Variants in EYS observed in about 807,000 individuals in gnomAD.
EYS encodes EGF-like photoreceptor maintenance factor.
EYS carries 250 observed loss-of-function variants against 282.1 expected under a neutral mutation model. That is an observed-to-expected ratio of 0.89 (90% CI 0.80 to 0.98). The LOEUF (loss-of-function observed/expected upper bound fraction) is 0.98, where lower values mean the gene tolerates loss of function less well. Among genes scored for constraint, EYS ranks in the 50% least tolerant of loss-of-function variants. The pLI, the probability that EYS is intolerant of heterozygous loss-of-function variation, is 0.00. For missense variants in EYS, 4,016 were observed against 3,709.0 expected (o/e 1.08, Z -2.15); for synonymous variants, 1,355 against 1,282.9 (o/e 1.06, Z -1.20).
At chr6:64,481,263 G>T (rs971067501) in intron 26 of EYS, among the ~76,000 whole-genome samples, 1 of 126,824 alleles carries the variant, frequency 7.9e-6, no homozygotes, top group Non-Finnish European at 1.6e-5. Flanking sequence ...TTATGTGTAT[G>T]GTGTGTGTGT....
At chr6:64,476,249 AT>A (rs772978104) in intron 26 of EYS, among the ~76,000 whole-genome samples, 2 of 152,164 alleles carry the variant, frequency 1.3e-5, no homozygotes, top group Non-Finnish European at 1.5e-5. Flanking sequence ...GTAGTTAACT[AT>A]TCGCATGTCT....
intron 31 of EYS, among the ~76,000 whole-genome samples, chr6:64,091,072 G>C (rs1187055329): frequency 6.6e-6 from 1 of 152,038 alleles, no homozygotes; most frequent in African/African-American, 2.4e-5. Flanking sequence ...ATTACCCCAT[G>C]TGATAGCCAC....
At chr6:63,966,236 C>T (rs762393279) in intron 35 of EYS, among the ~76,000 whole-genome samples, 4 of 152,098 alleles carry the variant, frequency 2.6e-5, no homozygotes, top group Non-Finnish European at 5.9e-5. Context: ...AGATTGGAGA[C>T]TATTATTCTA....
At chr6:64,769,127 C>G (rs1392930820) in intron 22 of EYS, among the ~76,000 whole-genome samples, 5 of 152,024 alleles carry the variant, frequency 3.3e-5, no homozygotes, top group Non-Finnish European at 7.4e-5. Context: ...TATATGAAAA[C>G]TACATGGCGT....
At chr6:63,935,139 A>T (rs978992084) in intron 35 of EYS, among the ~76,000 whole-genome samples, 2 of 152,174 alleles carry the variant, frequency 1.3e-5, no homozygotes, top group African/African-American at 4.8e-5. Context: ...ATGATTTTTG[A>T]GTAGTTTTTC....
At chr6:63,742,786 T>C (rs1769109488) in intron 41 of EYS, among the ~76,000 whole-genome samples, 1 of 152,184 alleles carries the variant, frequency 6.6e-6, no homozygotes, top group Non-Finnish European at 1.5e-5. Flanking sequence ...AGATCCTGAT[T>C]CAATACATGC....
At chr6:65,214,645 T>C (rs892693937) in intron 12 of EYS, among the ~76,000 whole-genome samples, 9 of 152,194 alleles carry the variant, frequency 5.9e-5, no homozygotes, top group African/African-American at 2.2e-4. Flanking sequence ...AAACAACAAA[T>C]GTTCAACGTA....
chr6:65,357,801 AT>A (rs1315967880), intron 8 of EYS, among the ~76,000 whole-genome samples: 16 of 152,118 alleles, frequency 1.1e-4, no homozygotes, highest in Admixed American at 6.6e-5. Flanking sequence ...AAGAAAAGTA[AT>A]TATTTCAAAT....
At chr6:65,510,206 G>A (rs1246276898) in intron 2 of EYS, among the ~76,000 whole-genome samples, 4 of 121,504 alleles carry the variant, frequency 3.3e-5, no homozygotes, top group African/African-American at 6.5e-5. Context: ...AGAGTGTGAT[G>A]TTCCCCTTCC....
chr6:64,104,341 G>A (rs1772931787), intron 31 of EYS, among the ~76,000 whole-genome samples: 1 of 152,080 alleles, frequency 6.6e-6, no homozygotes, highest in Admixed American at 6.6e-5. Context: ...GGATTAGCTG[G>A]TAGTAGGAAG....
At chr6:65,325,258 A>G (rs1562097256) in intron 11 of EYS, among the ~76,000 whole-genome samples, 1 of 151,760 alleles carries the variant, frequency 6.6e-6, no homozygotes, top group Admixed American at 6.6e-5. Context: ...TAGCTGTGAT[A>G]TTTTTTGTCC....
chr6:64,381,028 A>G (rs1052584780), intron 29 of EYS, among the ~76,000 whole-genome samples: 1 of 152,052 alleles, frequency 6.6e-6, no homozygotes, highest in Non-Finnish European at 1.5e-5. Context: ...GAAAAAAAAA[A>G]AAAAAAAGAT....
In EYS at chr6:64,153,618, T is replaced by A. The variant is rs1400627177; in HGVS notation, c.6425-71616A>T. On this transcript the variant is annotated intron_variant, in intron 31 of 42. Transcript: ENST00000503581. Reference sequence around the variant, plus strand: ...TTAAAACAACTATGAAGTACCTTTTTACATTCTTTAATTAAAAATAAAATC... The same window carrying A: ...TTAAAACAACTATGAAGTACCTTTTAACATTCTTTAATTAAAAATAAAATC... Among the ~76,000 whole-genome samples the A allele has an allele frequency of 3.3e-5, 5 of 152,228 alleles. No homozygotes were observed. The East Asian group carries it at 9.6e-4, about 29-fold the overall frequency.
intron 5 of EYS, among the ~76,000 whole-genome samples, chr6:65,410,677 T>C (rs577462896): frequency 7.3e-5 from 11 of 151,232 alleles, no homozygotes; most frequent in Non-Finnish European, 4.4e-5. Flanking sequence ...GTGTCTGGCC[T>C]ATTTCAATTA....
At chr6:64,743,401 T>C (rs1583104582) in intron 22 of EYS, among the ~76,000 whole-genome samples, 1 of 152,248 alleles carries the variant, frequency 6.6e-6, no homozygotes, top group East Asian at 1.9e-4. Context: ...TGAAAGTCTA[T>C]ATTTGGCAAA....
chr6:64,967,269 C>T (rs558568661), intron 14 of EYS, among the ~76,000 whole-genome samples: 2 of 151,926 alleles, frequency 1.3e-5, no homozygotes, highest in East Asian at 3.9e-4. Flanking sequence ...ATTCATGGGA[C>T]AAAATCTAAA....
At chr6:63,764,769 G>A (rs1381592499) in intron 40 of EYS, among the ~76,000 whole-genome samples, 1 of 151,622 alleles carries the variant, frequency 6.6e-6, no homozygotes, top group African/African-American at 2.4e-5. Context: ...ATAACAAATC[G>A]GAGCCTCATA....
intron 19 of EYS, among the ~76,000 whole-genome samples, chr6:64,881,921 T>C (rs573914201): frequency 6.6e-6 from 1 of 151,980 alleles, no homozygotes; most frequent in East Asian, 1.9e-4. Flanking sequence ...ATAAGTTAAT[T>C]AAAAGTACTA....
intron 35 of EYS, among the ~76,000 whole-genome samples, chr6:63,892,570 A>G (rs1344216520): frequency 6.6e-6 from 1 of 152,230 alleles, no homozygotes; most frequent in African/African-American, 2.4e-5. Context: ...ATCTTATACA[A>G]AAATCAACTC....
Sources: gnomAD v4.1 joint callset for allele counts (sites outside exome capture counted in the v4.1 genomes callset) on GRCh38, gnomAD v4.1.1 for gene constraint, MANE v1.5 for transcripts, NCBI Gene and HGNC (gene_info 2026-07-23, HGNC 2026-07-21) for gene names.